Variants in CHIC2 observed in about 807,000 individuals in gnomAD.
The protein encoded by CHIC2 is cysteine-rich hydrophobic domain-containing protein 2.
In CHIC2, 14 loss-of-function variants were observed where a neutral mutation model predicts 25.9. The ratio of observed to expected loss-of-function variants is 0.54; its 90% CI spans 0.36 to 0.85. The LOEUF is 0.85. Among genes scored for constraint, CHIC2 ranks in the 40% least tolerant of loss-of-function variants. CHIC2 has a pLI of 0.01. For missense variants in CHIC2, 146 were observed against 202.0 expected, an observed-to-expected ratio of 0.72 and a Z score of 1.68; for synonymous variants, 70 against 72.0, an observed-to-expected ratio of 0.97 and a Z score of 0.14.
the CHIC2 span, among the ~76,000 whole-genome samples, chr4:54,070,464 C>A: frequency 6.6e-6 from 1 of 151,760 alleles, no homozygotes; most frequent in Admixed American, 6.6e-5. Flanking sequence ...CTCTTGTCGC[C>A]CAGGCTGGAG....
chr4:54,022,402 C>A (rs1204378629), intron 3 of CHIC2, among the ~76,000 whole-genome samples: 2 of 152,082 alleles, frequency 1.3e-5, no homozygotes, highest in African/African-American at 4.8e-5. Flanking sequence ...CTCCACATTA[C>A]CTTATTTTCA....
intron 3 of CHIC2, among the ~76,000 whole-genome samples, chr4:54,046,873 T>A (rs1274054498): frequency 2.0e-5 from 3 of 152,124 alleles, no homozygotes; most frequent in Admixed American, 2.0e-4. Flanking sequence ...ACCTACAGAA[T>A]GGGAGAAAAT....
chr4:54,064,940 A>C (rs1577992581), upstream of CHIC2, among the ~76,000 whole-genome samples: 1 of 152,334 alleles, frequency 6.6e-6, no homozygotes, highest in East Asian at 1.9e-4. This position sits in a 1 kb window ranked among gnomAD's most constrained non-coding sequence, Gnocchi z 4.2. Flanking sequence ...TGGGACATGC[A>C]GTTCCCCAAA....
At chr4:54,055,311 G>A (rs1300372879) in intron 1 of CHIC2, among the ~76,000 whole-genome samples, 1 of 152,052 alleles carries the variant, frequency 6.6e-6, no homozygotes, top group African/African-American at 2.4e-5. Flanking sequence ...AGGGAGACTG[G>A]CAATTCACTC....
At chr4:54,087,779 C>T in the CHIC2 span, 8 of 457,404 alleles carry the variant, frequency 1.7e-5, no homozygotes, top group African/African-American at 4.0e-5. Flanking sequence ...CACCACAAAG[C>T]CCTGTGCTGG....
At chr4:54,032,654 G>A (rs1000597817) in intron 3 of CHIC2, among the ~76,000 whole-genome samples, 2 of 152,140 alleles carry the variant, frequency 1.3e-5, no homozygotes, top group Non-Finnish European at 2.9e-5. Flanking sequence ...ATTACAGAGT[G>A]CCAAAATACA....
intron 3 of CHIC2, among the ~76,000 whole-genome samples, chr4:54,031,371 T>C (rs909674755): frequency 2.0e-5 from 3 of 152,034 alleles, no homozygotes; most frequent in Non-Finnish European, 4.4e-5. Context: ...AAGCACCATA[T>C]CTTATGCAAC....
chr4:54,051,675 A>G (rs1717011973), intron 1 of CHIC2, among the ~76,000 whole-genome samples: 1 of 152,070 alleles, frequency 6.6e-6, no homozygotes, highest in South Asian at 2.1e-4. Context: ...GCTTCCAAAA[A>G]CTAACCATTT....
intron 1 of CHIC2, among the ~76,000 whole-genome samples, chr4:54,062,915 T>G (rs993737444): frequency 6.6e-6 from 1 of 152,260 alleles, no homozygotes; most frequent in Non-Finnish European, 1.5e-5. Flanking sequence ...GAAAGTATTA[T>G]TGTGGTGAAT....
At chr4:54,024,765 C>A (rs1042658801) in intron 3 of CHIC2, among the ~76,000 whole-genome samples, 1 of 152,170 alleles carries the variant, frequency 6.6e-6, no homozygotes, top group Non-Finnish European at 1.5e-5. Context: ...GTCCTGGGTC[C>A]TCCCAACTCT....
chr4:54,084,959 C>CAAAA, the CHIC2 span, among the ~76,000 whole-genome samples: 38 of 58,902 alleles, frequency 6.5e-4, 1 homozygote, highest in African/African-American at 2.3e-3. Flanking sequence ...TGCTCTGTCT[C>CAAAA]AAAAAAAAAA....
chr4:54,032,172 A>G (rs1716246855), intron 3 of CHIC2, among the ~76,000 whole-genome samples: 1 of 152,220 alleles, frequency 6.6e-6, no homozygotes, highest in African/African-American at 2.4e-5. Flanking sequence ...AGAAAGTGGC[A>G]TAATTCTGGT....
At chr4:54,059,733 CAG>C (rs1717276086) in intron 1 of CHIC2, 1 of 152,022 alleles carries the variant, frequency 6.6e-6, no homozygotes, top group Non-Finnish European at 1.5e-5. Flanking sequence ...GAGAAGAAAA[CAG>C]TGATTCATTT....
At chr4:54,023,746 G>A (rs1052418068) in intron 3 of CHIC2, among the ~76,000 whole-genome samples, 2 of 152,064 alleles carry the variant, frequency 1.3e-5, no homozygotes, top group South Asian at 2.1e-4. Flanking sequence ...TCAGCAAGGC[G>A]AACTCATGCC....
At chr4:54,012,192 T>A (rs1189934880) in intron 5 of CHIC2, among the ~76,000 whole-genome samples, 1 of 151,984 alleles carries the variant, frequency 6.6e-6, no homozygotes, top group Non-Finnish European at 1.5e-5. Flanking sequence ...ACGCAAGTGA[T>A]CCTGCTGCCT....
At chr4:54,039,943 T>G (rs1213310557) in intron 3 of CHIC2, among the ~76,000 whole-genome samples, 1 of 152,124 alleles carries the variant, frequency 6.6e-6, no homozygotes, top group Admixed American at 6.5e-5. Context: ...ACTCAAAAAG[T>G]TATATACACT....
intron 1 of CHIC2, among the ~76,000 whole-genome samples, chr4:54,058,171 A>T (rs1184010288): frequency 6.6e-6 from 1 of 152,158 alleles, no homozygotes; most frequent in Non-Finnish European, 1.5e-5. Context: ...CTTCCCACAA[A>T]ATGGTAAAGA....
At chr4:54,065,275 CATGCT>C (rs149678945), upstream of CHIC2, 62 of 971,784 alleles carry the variant, frequency 6.4e-5, no homozygotes, top group African/African-American at 9.7e-4. Context: ...TCACCGTAGT[CATGCT>C]ATGAAAAAAA....
chr4:54,072,411 T>G, the CHIC2 span, among the ~76,000 whole-genome samples: 1 of 152,206 alleles, frequency 6.6e-6, no homozygotes, highest in African/African-American at 2.4e-5. Flanking sequence ...ATCTGGAGAT[T>G]ACTACTAGAA....
Sources: allele counts gnomAD v4.1 joint callset (sites outside exome capture counted in the v4.1 genomes callset), GRCh38; gene constraint gnomAD v4.1.1; non-coding constraint Gnocchi (gnomAD v3.1); transcripts MANE v1.5; gene names NCBI Gene and HGNC (gene_info 2026-07-23, HGNC 2026-07-21).